The following MRAP2 variants were observed in gnomAD, a reference collection of about 807,000 sequenced individuals.
MRAP2 encodes melanocortin 2 receptor accessory protein 2.
Under a neutral mutation model 17.4 loss-of-function variants are expected in MRAP2, and 20 were observed. The ratio of observed to expected loss-of-function variants is 1.15; its 90% CI spans 0.81 to 1.67. The LOEUF (loss-of-function observed/expected upper bound fraction) is 1.67. Ranked by LOEUF, MRAP2 falls within the 40% of genes most tolerant of loss-of-function variation. MRAP2 has a pLI of 0.00. For synonymous variants in MRAP2, 96 were observed against 88.4 expected, an observed-to-expected ratio of 1.09 and a Z score of -0.48; for missense variants, 238 against 240.0, an observed-to-expected ratio of 0.99 and a Z score of 0.05.
the MRAP2 span, among the ~76,000 whole-genome samples, chr6:84,140,536 G>A: frequency 2.0e-5 from 3 of 150,026 alleles, no homozygotes; most frequent in Non-Finnish European, 2.9e-5. Context: ...TTTTTTGTTT[G>A]TTTTTCGTAG....
At chr6:84,052,976 T>C (rs1050941383) in intron 1 of MRAP2, 6 of 171,706 alleles carry the variant, frequency 3.5e-5, no homozygotes, top group African/African-American at 1.4e-4. Context: ...ATGTCTCTAT[T>C]GTAGGGTGGG....
chr6:84,108,312 C>A, the MRAP2 span, among the ~76,000 whole-genome samples: 1 of 152,086 alleles, frequency 6.6e-6, no homozygotes. Flanking sequence ...AAAAGTATTC[C>A]TTTTTCTCCA....
chr6:84,033,630 T>C (rs886937401), upstream of MRAP2: 9 of 965,870 alleles, frequency 9.3e-6, no homozygotes, highest in Admixed American at 1.8e-4. Context: ...CACCTCCTCT[T>C]GGCCAAGGCG....
At chr6:84,060,567 T>C (rs573278084) in intron 2 of MRAP2, among the ~76,000 whole-genome samples, 1 of 152,202 alleles carries the variant, frequency 6.6e-6, no homozygotes, top group African/African-American at 2.4e-5. Flanking sequence ...TAAAGTACAG[T>C]GTAGGGAACT....
At chr6:84,059,306 T>C (rs1376892847) in intron 2 of MRAP2, among the ~76,000 whole-genome samples, 3 of 152,200 alleles carry the variant, frequency 2.0e-5, no homozygotes, top group Admixed American at 2.0e-4. Context: ...AGCTAGAGTT[T>C]GCAAAGGCTT....
the MRAP2 span, among the ~76,000 whole-genome samples, chr6:84,138,721 A>T: frequency 2.0e-5 from 3 of 152,198 alleles, no homozygotes; most frequent in Non-Finnish European, 4.4e-5. Context: ...AATTAACAAC[A>T]ATTAAGTTAA....
chr6:84,137,067 C>T, the MRAP2 span, among the ~76,000 whole-genome samples: 9 of 152,174 alleles, frequency 5.9e-5, no homozygotes, highest in African/African-American at 9.7e-5. Flanking sequence ...GTGGAGCATG[C>T]GGCATCTAAA....
chr6:84,046,585 T>C (rs1162496927), intron 1 of MRAP2, among the ~76,000 whole-genome samples: 1 of 151,786 alleles, frequency 6.6e-6, no homozygotes, highest in Non-Finnish European at 1.5e-5. Flanking sequence ...ATGGAGATCA[T>C]CCTGGCTAAC....
intron 3 of MRAP2, among the ~76,000 whole-genome samples, chr6:84,085,113 G>T (rs2099500079): frequency 6.6e-6 from 1 of 151,512 alleles, no homozygotes; most frequent in South Asian, 2.1e-4. Flanking sequence ...GGAGTGCAGT[G>T]GCGCGATCTC....
chr6:84,123,382 C>T, the MRAP2 span, among the ~76,000 whole-genome samples: 2 of 151,730 alleles, frequency 1.3e-5, no homozygotes, highest in South Asian at 4.1e-4. Context: ...AAAATACACA[C>T]AGGTCAATGG....
chr6:84,045,074 A>G (rs1354457708), intron 1 of MRAP2: 1 of 194,688 alleles, frequency 5.1e-6, no homozygotes, highest in Non-Finnish European at 9.3e-6. Flanking sequence ...TTTAAAGTAT[A>G]CCAGAGGCTG....
intron 1 of MRAP2, 134 bp downstream of exon 1, chr6:84,034,017 GGGGT>G (rs2099485277): frequency 1.5e-6 from 1 of 658,554 alleles, no homozygotes; most frequent in Non-Finnish European, 1.9e-6. Context: ...GCTAGAGAAT[GGGGT>G]GGGAGGAGGA....
intron 3 of MRAP2, chr6:84,063,354 C>T (rs763260671): frequency 5.6e-5 from 55 of 985,160 alleles, no homozygotes; most frequent in Non-Finnish European, 5.5e-5. Flanking sequence ...GTGGAAAAGA[C>T]AATGGCAAAA....
In MRAP2 at chr6:84,090,528, T is replaced by G. The variant is rs143715990; in HGVS notation, c.*1047T>G. ...AATGAGAGGAGGTGCCTTCTGGGTATCTCTGTGTTGGTGTATCTGTGCCAT... is the reference window on the plus strand; with the variant it reads ...AATGAGAGGAGGTGCCTTCTGGGTAGCTCTGTGTTGGTGTATCTGTGCCAT... On this transcript the variant is annotated 3_prime_UTR_variant, in exon 4 of 4. Transcript: ENST00000257776. The G allele has an allele frequency of 1.9e-4, 29 of 152,356 alleles. No homozygotes were observed. The highest frequency in any genetic ancestry group is 6.5e-4 in the African/African-American group (27 of 41,576). 9.4% of individuals were successfully genotyped at this position (152,356 alleles called of 1,614,324 possible). A position where few individuals can be genotyped will look rare whatever the true frequency, so the allele number is the denominator to read the frequency against.
chr6:84,039,243 A>G (rs184488298), intron 1 of MRAP2, among the ~76,000 whole-genome samples: 5 of 152,338 alleles, frequency 3.3e-5, no homozygotes, highest in Admixed American at 3.3e-4. Flanking sequence ...ACAATTATCT[A>G]TTCCTAAAAG....
In MRAP2 at chr6:84,066,944, G is replaced by A. The variant is rs1021799978; in HGVS notation, c.227+3952G>A. On this transcript the variant is annotated intron_variant, in intron 3 of 3. Coordinates refer to ENST00000257776, the MANE Select transcript of MRAP2 (RefSeq NM_138409.4). ...AGGTGGTATTTGGTTACATAAGGAA[G>A]TTCCTTAGTGGTGATTTGTGAAATA... Among the ~76,000 whole-genome samples the A allele has an allele frequency of 2.6e-5, 4 of 152,114 alleles. No individual in the cohort carries two copies. In the East Asian group the frequency reaches 7.7e-4, roughly 29 times the overall value.
At chr6:84,131,208 T>A in the MRAP2 span, among the ~76,000 whole-genome samples, 35 of 152,248 alleles carry the variant, frequency 2.3e-4, no homozygotes, top group Non-Finnish European at 4.0e-4. Context: ...GACTGCACTG[T>A]GGTCTGAGAG....
the MRAP2 span, among the ~76,000 whole-genome samples, chr6:84,105,607 G>A: frequency 3.3e-5 from 5 of 152,176 alleles, no homozygotes; most frequent in Admixed American, 6.5e-5. Context: ...TATCAGCATG[G>A]TAGTACTAAG....
chr6:84,055,583 A>G (rs915319308), intron 2 of MRAP2, 138 bp downstream of exon 2: 1 of 815,862 alleles, frequency 1.2e-6, no homozygotes, highest in Non-Finnish European at 1.9e-6. Context: ...TCTACAAAAC[A>G]TCTCGCCTCC....
Sources: allele counts gnomAD v4.1 joint callset (sites outside exome capture counted in the v4.1 genomes callset), GRCh38; gene constraint gnomAD v4.1.1; transcripts MANE v1.5; gene names NCBI Gene and HGNC (gene_info 2026-07-23, HGNC 2026-07-21).